The following RANBP17 variants were observed in gnomAD, a reference collection of about 807,000 sequenced individuals.
The protein encoded by RANBP17 is ran-binding protein 17.
A neutral mutation model predicts 141.2 loss-of-function variants in RANBP17; 158 were observed. The ratio of observed to expected loss-of-function variants is 1.12; its 90% CI spans 0.98 to 1.28. The LOEUF is 1.28. RANBP17 is among the 50% of genes most tolerant of loss of function. The pLI, the probability that RANBP17 is intolerant of heterozygous loss-of-function variation, is 0.00. For missense variants in RANBP17, 1,438 were observed against 1,290.7 expected (o/e 1.11, Z -1.75); for synonymous variants, 430 against 450.0 (o/e 0.96, Z 0.56).
chr5:171,224,004 T>C (rs956490220), intron 22 of RANBP17, among the ~76,000 whole-genome samples: 1 of 152,240 alleles, frequency 6.6e-6, no homozygotes, highest in Non-Finnish European at 1.5e-5. Context: ...TTAAGAAGGC[T>C]AATTGAGCTA....
At chr5:170,981,557 C>T (rs1188614451) in intron 14 of RANBP17, among the ~76,000 whole-genome samples, 6 of 151,010 alleles carry the variant, frequency 4.0e-5, no homozygotes, top group African/African-American at 1.5e-4. Flanking sequence ...CCTGCACAGG[C>T]TCTCATTTTT....
At chr5:170,882,066 C>A (rs1768745736) in intron 3 of RANBP17, among the ~76,000 whole-genome samples, 170 bp downstream of exon 3, 1 of 152,060 alleles carries the variant, frequency 6.6e-6, no homozygotes, top group Non-Finnish European at 1.5e-5. Flanking sequence ...TTACATAAAG[C>A]AACGTCTAAT....
At chr5:171,033,262 A>G (rs922113002) in intron 14 of RANBP17, among the ~76,000 whole-genome samples, 1 of 152,142 alleles carries the variant, frequency 6.6e-6, no homozygotes, top group East Asian at 1.9e-4. Context: ...TGGATAGGCC[A>G]GTGGTCTTCA....
intron 14 of RANBP17, among the ~76,000 whole-genome samples, chr5:170,998,504 T>G (rs1778986152): frequency 6.6e-6 from 1 of 152,226 alleles, no homozygotes; most frequent in African/African-American, 2.4e-5. Context: ...ATATTCCACT[T>G]AGAAATAATG....
intron 12 of RANBP17, 153 bp downstream of exon 12, chr5:170,924,703 A>G (rs1014002775): frequency 1.2e-5 from 6 of 485,632 alleles, no homozygotes; most frequent in Admixed American, 7.0e-5. Flanking sequence ...TCCTGGGTAT[A>G]TTGGTAATTT....
chr5:170,998,030 A>G (rs1033749517), intron 14 of RANBP17, among the ~76,000 whole-genome samples: 6 of 151,794 alleles, frequency 4.0e-5, no homozygotes, highest in Non-Finnish European at 7.4e-5. Context: ...CGGGCGGATC[A>G]CATGAGGCCA....
intron 20 of RANBP17, among the ~76,000 whole-genome samples, chr5:171,208,643 G>A (rs1335139821): frequency 6.6e-6 from 1 of 152,142 alleles, no homozygotes; most frequent in Non-Finnish European, 1.5e-5. Context: ...ACAGTGGCAA[G>A]GCAAGATAAC....
chr5:170,955,056 G>A (rs928329229), intron 13 of RANBP17, among the ~76,000 whole-genome samples: 1 of 152,018 alleles, frequency 6.6e-6, no homozygotes, highest in African/African-American at 2.4e-5. Flanking sequence ...TGCTCCTTAC[G>A]GGAATCTAAT....
intron 9 of RANBP17, 133 bp downstream of exon 9, chr5:170,916,717 CTTTT>C (rs5873244): frequency 2.8e-3 from 724 of 257,520 alleles, no homozygotes; most frequent in South Asian, 5.3e-3. Flanking sequence ...TTCCTTAGAG[CTTTT>C]TTTTTTTTTT....
intron 14 of RANBP17, among the ~76,000 whole-genome samples, chr5:171,104,599 A>G (rs1561659099): frequency 6.6e-6 from 1 of 152,200 alleles, no homozygotes; most frequent in Non-Finnish European, 1.5e-5. Context: ...TTGCTTTTGA[A>G]TAATGATAGT....
At chr5:171,080,008 C>G (rs1310424402) in intron 14 of RANBP17, among the ~76,000 whole-genome samples, 1 of 152,114 alleles carries the variant, frequency 6.6e-6, no homozygotes, top group African/African-American at 2.4e-5. Flanking sequence ...TCAAAAGAAA[C>G]ACTGAGAGAT....
chr5:171,204,547 C>T (rs970737085), intron 19 of RANBP17, among the ~76,000 whole-genome samples: 1 of 152,100 alleles, frequency 6.6e-6, no homozygotes, highest in African/African-American at 2.4e-5. Flanking sequence ...GAAACAGTAT[C>T]TTTAGAAGTC....
intron 14 of RANBP17, among the ~76,000 whole-genome samples, chr5:171,126,397 A>G (rs1756473508): frequency 6.6e-6 from 1 of 152,172 alleles, no homozygotes; most frequent in Non-Finnish European, 1.5e-5. Flanking sequence ...CAACCAAATG[A>G]TGCACATCAA....
At chr5:171,076,925 T>A (rs1784960596) in intron 14 of RANBP17, among the ~76,000 whole-genome samples, 1 of 152,144 alleles carries the variant, frequency 6.6e-6, no homozygotes, top group Admixed American at 6.5e-5. Context: ...TATGGACATA[T>A]CTAACAAATA....
At chr5:171,162,753 C>T (rs1428587289) in intron 14 of RANBP17, among the ~76,000 whole-genome samples, 1 of 152,070 alleles carries the variant, frequency 6.6e-6, no homozygotes, top group Non-Finnish European at 1.5e-5. Flanking sequence ...CTTAGCCATG[C>T]ATCAGTGGAG....
At chr5:170,951,320 A>G (rs1775192498) in intron 12 of RANBP17, among the ~76,000 whole-genome samples, 1 of 152,170 alleles carries the variant, frequency 6.6e-6, no homozygotes, top group African/African-American at 2.4e-5. Flanking sequence ...CATGTAACAA[A>G]GTATCACATG....
intron 11 of RANBP17, among the ~76,000 whole-genome samples, chr5:170,923,660 G>A (rs924521626): frequency 1.3e-5 from 2 of 152,086 alleles, no homozygotes; most frequent in African/African-American, 4.8e-5. Context: ...GCTCTTCTCT[G>A]ATTTTTCTTT....
chr5:171,219,118 T>A (rs570073574), intron 21 of RANBP17, among the ~76,000 whole-genome samples: 2 of 152,328 alleles, frequency 1.3e-5, no homozygotes, highest in South Asian at 4.1e-4. Context: ...TTTGCTTGTC[T>A]GTAAAAGATT....
chr5:170,972,495 T>G (rs1777063119), intron 14 of RANBP17, among the ~76,000 whole-genome samples: 1 of 152,132 alleles, frequency 6.6e-6, no homozygotes, highest in Non-Finnish European at 1.5e-5. Context: ...GAATTCATCT[T>G]TTTTTATTAC....
Sources: gnomAD v4.1 joint callset for allele counts (sites outside exome capture counted in the v4.1 genomes callset) on GRCh38, gnomAD v4.1.1 for gene constraint, MANE v1.5 for transcripts, NCBI Gene and HGNC (gene_info 2026-07-23, HGNC 2026-07-21) for gene names.